MICAL3: variants seen among roughly 807,000 people sequenced by gnomAD.
MICAL3 encodes [F-actin]-monooxygenase MICAL3.
In MICAL3, 62 loss-of-function variants were observed where a neutral mutation model predicts 207.4. That is an observed-to-expected ratio of 0.30 (90% confidence interval 0.24 to 0.37). The LOEUF (loss-of-function observed/expected upper bound fraction) is 0.37, where lower values mean the gene tolerates loss of function less well. Ranked by LOEUF, MICAL3 falls within the 10% of genes least tolerant of loss-of-function variation. The pLI, the probability that MICAL3 is intolerant of heterozygous loss-of-function variation, is 1.00. For synonymous variants in MICAL3, 1,077 were observed against 1,069.3 expected, an observed-to-expected ratio of 1.01 and a Z score of -0.14; for missense variants, 2,368 against 2,635.6, an observed-to-expected ratio of 0.90 and a Z score of 2.22.
chr22:17,870,932 G>A (rs1927663553), intron 17 of MICAL3, among the ~76,000 whole-genome samples: 3 of 152,152 alleles, frequency 2.0e-5, no homozygotes, highest in Admixed American at 1.3e-4. Context: ...GAAGTGACTA[G>A]GTCCTAACGG....
chr22:17,808,720 G>T, intron 29 of MICAL3, 124 bp downstream of exon 29: 1 of 750,074 alleles, frequency 1.3e-6, no homozygotes. Context: ...CAGAGATGAA[G>T]GGCCCCAGAA....
At chr22:17,851,551 C>G (rs759978892) in intron 19 of MICAL3, among the ~76,000 whole-genome samples, 1 of 152,176 alleles carries the variant, frequency 6.6e-6, no homozygotes, top group Non-Finnish European at 1.5e-5. Flanking sequence ...GAGTTCTAAT[C>G]CTCTGTCTGA....
intron 20 of MICAL3, among the ~76,000 whole-genome samples, chr22:17,833,961 C>CAT (rs1432489727): frequency 6.6e-6 from 1 of 152,186 alleles, no homozygotes; most frequent in Non-Finnish European, 1.5e-5. Context: ...GGCTCACTGA[C>CAT]ATCTGTACCC....
chr22:17,810,727 C>T lies in MICAL3; in HGVS notation c.5532G>A (p.Glu1844=). 6.2e-7 allele frequency: 1 copy of T among 1,614,018 alleles called. No homozygotes were observed. Among genetic ancestry groups the T allele is most frequent in the South Asian group, 1.1e-5 (1 of 91,084 alleles). ...CCTGGGCTCGATGCAGCCGCTTAAG[C>T]TCCTCCTGCTTGGCCTGTCTCCGAG... The part of the protein sequence containing the change: ...KAARRQAKQE[E]LKRLHRAQII... The change falls in exon 28 of 32, where the codon GAG becomes GAA. Residue 1844 remains glutamate (E), a synonymous_variant. Transcript: ENST00000441493.
At chr22:17,999,321 T>C (rs1922665088) in intron 1 of MICAL3, among the ~76,000 whole-genome samples, 1 of 152,356 alleles carries the variant, frequency 6.6e-6, no homozygotes, top group Non-Finnish European at 1.5e-5. Context: ...AATTTTTCCT[T>C]ATTTTTACTT....
At chr22:17,911,916 G>A (rs1476099816) in intron 1 of MICAL3, among the ~76,000 whole-genome samples, 1 of 89,894 alleles carries the variant, frequency 1.1e-5, no homozygotes, top group Non-Finnish European at 2.0e-5. Flanking sequence ...TCGCCAACAT[G>A]CCTCGGGCTC....
chr22:17,852,003 C>G (rs982344601), intron 19 of MICAL3, among the ~76,000 whole-genome samples: 13 of 152,166 alleles, frequency 8.5e-5, no homozygotes, highest in Non-Finnish European at 1.5e-4. Flanking sequence ...TCTATTCCAA[C>G]CCTCCTGTCC....
chr22:17,891,743 C>T (rs1338223417), intron 11 of MICAL3, 111 bp from the exon 12 acceptor site: 8 of 991,706 alleles, frequency 8.1e-6, no homozygotes, highest in Middle Eastern at 2.6e-4. Flanking sequence ...AGGGTAGGGA[C>T]GAAACAGTCA....
intron 29 of MICAL3, among the ~76,000 whole-genome samples, chr22:17,807,199 G>C (rs2061997410): frequency 6.6e-6 from 1 of 152,278 alleles, no homozygotes; most frequent in Admixed American, 6.5e-5. Flanking sequence ...GCTCTCTCCT[G>C]ATATCTTCTG....
chr22:17,992,434 C>A (rs1372814811), intron 1 of MICAL3, among the ~76,000 whole-genome samples: 1 of 152,192 alleles, frequency 6.6e-6, no homozygotes, highest in Non-Finnish European at 1.5e-5. Context: ...GGCTTCCTGG[C>A]CAGTTAAATC....
intron 27 of MICAL3, chr22:17,812,539 C>A: frequency 3.0e-6 from 3 of 985,674 alleles, no homozygotes; most frequent in Non-Finnish European, 3.6e-6. Context: ...AATGCCAAGG[C>A]GTGTGGTACA....
intron 1 of MICAL3, among the ~76,000 whole-genome samples, chr22:17,982,947 G>A (rs866644417): frequency 2.6e-5 from 4 of 152,084 alleles, no homozygotes; most frequent in South Asian, 2.1e-4. Flanking sequence ...TTGTGAGCTC[G>A]GCTCCTCATC....
chr22:17,869,877 G>C (rs759812484), intron 17 of MICAL3, among the ~76,000 whole-genome samples: 86 of 152,210 alleles, frequency 5.7e-4, no homozygotes, highest in Admixed American at 2.2e-3. Flanking sequence ...AGGGCGTGAT[G>C]TGTTGGGGCG....
intron 1 of MICAL3, among the ~76,000 whole-genome samples, chr22:17,984,739 C>T (rs1371343917): frequency 6.6e-6 from 1 of 152,210 alleles, no homozygotes; most frequent in Non-Finnish European, 1.5e-5. Context: ...GACTCCATGG[C>T]AGGTGTTATG....
chr22:17,947,121 C>T (rs569185888), intron 1 of MICAL3, among the ~76,000 whole-genome samples: 4 of 152,318 alleles, frequency 2.6e-5, no homozygotes, highest in South Asian at 2.1e-4. Context: ...AGATCAGAGC[C>T]GGGCTGCAAG....
At chr22:17,843,396 G>A (rs9618142) in intron 19 of MICAL3, among the ~76,000 whole-genome samples, 21,635 of 152,044 alleles carry the variant, frequency 0.14, 2,517 homozygotes, top group African/African-American at 0.32. Context: ...CCCCTGTAAT[G>A]TGAGTAGCAC....
chr22:17,885,821 C>T, intron 16 of MICAL3, 57 bp downstream of exon 16: 1 of 1,542,410 alleles, frequency 6.5e-7, no homozygotes, highest in Non-Finnish European at 8.9e-7. Context: ...GGAAAAGATC[C>T]CCCCTTCTTG....
intron 29 of MICAL3, among the ~76,000 whole-genome samples, chr22:17,797,830 T>TGGGCACAGCCACAGC (rs2061892763): frequency 1.3e-5 from 2 of 152,138 alleles, no homozygotes; most frequent in Admixed American, 1.3e-4. Context: ...GACGCAGAGG[T>TGGGCACAGCCACAGC]GGGCACAGCC....
chr22:17,864,525 G>A, intron 19 of MICAL3: 3 of 1,434,542 alleles, frequency 2.1e-6, no homozygotes, highest in Non-Finnish European at 2.7e-6. Flanking sequence ...GCGGGTGATG[G>A]GAGCAGTGTC....
Sources: gnomAD v4.1 joint callset for allele counts (sites outside exome capture counted in the v4.1 genomes callset) on GRCh38, gnomAD v4.1.1 for gene constraint, MANE v1.5 for transcripts, NCBI Gene and HGNC (gene_info 2026-07-23, HGNC 2026-07-21) for gene names.